The following BCLAF1 variants were observed in gnomAD, a reference collection of about 807,000 sequenced individuals.
The protein encoded by BCLAF1 is BCL2 associated transcription factor 1, also known as bcl-2-associated transcription factor 1.
Under a neutral mutation model 99.5 loss-of-function variants are expected in BCLAF1, and 10 were observed. The observed-to-expected ratio is 0.10, with a 90% confidence interval of 0.06 to 0.17. BCLAF1 has a LOEUF of 0.17. Ranked by LOEUF, BCLAF1 falls within the 10% of genes least tolerant of loss-of-function variation. BCLAF1 has a pLI of 1.00. For missense variants in BCLAF1, 636 were observed against 1,105.8 expected (o/e 0.58, Z 6.02); for synonymous variants, 255 against 370.9 (o/e 0.69, Z 3.59).
intron 11 of BCLAF1, among the ~76,000 whole-genome samples, chr6:136,265,713 C>T (rs1781623651): frequency 6.6e-6 from 1 of 152,132 alleles, no homozygotes; most frequent in Admixed American, 6.5e-5. Context: ...AGGTCAAGTT[C>T]CTCTACAAAA....
intron 1 of BCLAF1, among the ~76,000 whole-genome samples, chr6:136,289,440 G>A (rs1425972470): frequency 1.3e-5 from 2 of 152,216 alleles, no homozygotes; most frequent in African/African-American, 4.8e-5. Flanking sequence ...GCACGCGCAC[G>A]GGAGGCCGCG....
At chr6:136,280,530 T>C (rs1295474674) in intron 2 of BCLAF1, among the ~76,000 whole-genome samples, 1 of 152,170 alleles carries the variant, frequency 6.6e-6, no homozygotes, top group African/African-American at 2.4e-5. Flanking sequence ...TGAAGCTTTC[T>C]GTTAAGAAGA....
chr6:136,276,068 T>C lies in BCLAF1; in HGVS notation c.1457A>G (p.Glu486Gly). ...DKHKEEDKNS[E>G]RITVKKETQS... The stretch of plus-strand genomic sequence containing the variant: ...AGTTTCTTTCTTTACTGTTATTCTT[T>C]CAGAATTTTTGTCTTCTTCTTTGTG... Residue 486 changes from glutamate to glycine, a missense_variant, in exon 5 of 13, where the codon GAA (glutamate) becomes GGA (glycine). Transcript: ENST00000531224. The C allele has an allele frequency of 6.2e-7, 1 of 1,606,730 alleles. No homozygotes were observed. Among genetic ancestry groups the C allele is most frequent in the Non-Finnish European group, 8.5e-7 (1 of 1,178,252 alleles).
chr6:136,275,622 T>C lies in BCLAF1; in HGVS notation c.1762A>G (p.Ile588Val), dbSNP rs1484611044. The change falls in exon 6 of 13, where the codon ATC becomes GTC. Residue 588 changes from isoleucine (I) to valine (V), a missense_variant. This residue lies in a region of BCLAF1 where 180 missense variants were observed against 270.0 expected (regional missense o/e 0.67). Coordinates refer to ENST00000531224, the MANE Select transcript of BCLAF1 (RefSeq NM_014739.3). ...SVKKEQEFRS[I>V]FDHIKLPQAS... ...TGTGGCAACTTAATGTGGTCAAAGA[T>C]GGATCGGAATTCTTGCTCCTTCTTG... 1 of 1,598,394 alleles carries C rather than the reference T, an allele frequency of 6.3e-7. No individual in the cohort carries two copies. Among genetic ancestry groups the C allele is most frequent in the Non-Finnish European group, 8.5e-7 (1 of 1,173,966 alleles).
rs139643932 is a variant in BCLAF1, at chr6:136,265,245, ATTAGAGCAC to A, written c.2544+1775_2544+1783del. Among the ~76,000 whole-genome samples the A allele has an allele frequency of 9.3e-3, 1,420 of 152,264 alleles. 16 individuals carry two copies. The highest frequency in any genetic ancestry group is 0.033 in the African/African-American group (1,373 of 41,544). ...CACAGCTTTAATGGTGACCTATAAAATTAGAGCACTTAGATTTTTTTGTTTCTCTAAATC... is the reference window on the plus strand; with the variant it reads ...CACAGCTTTAATGGTGACCTATAAAATTAGATTTTTTTGTTTCTCTAAATC... On this transcript the variant is annotated intron_variant, in intron 11 of 12. Coordinates refer to ENST00000531224, the MANE Select transcript of BCLAF1 (RefSeq NM_014739.3).
At chr6:136,287,838 T>C (rs1285080073) in intron 1 of BCLAF1, among the ~76,000 whole-genome samples, 4 of 152,126 alleles carry the variant, frequency 2.6e-5, no homozygotes, top group Admixed American at 2.0e-4. Context: ...GAGACCAATA[T>C]TGTGAAACTC....
At position 136,261,427 on chromosome 6, in the gene BCLAF1, A is replaced by C. The variant is rs1242462814; in HGVS notation, c.2595T>G (p.Gly865=). The change falls in exon 12 of 13, where the codon GGT becomes GGG. Residue 865 remains glycine, a synonymous_variant. Coordinates refer to ENST00000531224, the MANE Select transcript of BCLAF1 (RefSeq NM_014739.3). ...CTCTGCCACGTTGAAAAGTACCACG[A>C]CCTCTTCCTCTTTTGGCCCAATAAT... ...GVDYWAKRGR[G]RGTFQRGRGR... 1 of 1,613,394 alleles carries C rather than the reference A, an allele frequency of 6.2e-7. No homozygotes were observed. The highest frequency in any genetic ancestry group is 8.5e-7 in the Non-Finnish European group (1 of 1,179,782).
chr6:136,277,846 T>C lies in BCLAF1; in HGVS notation c.1016+19A>G, dbSNP rs779894729. Reference sequence around the variant, plus strand: ...ACAAAAACAATATTATAATCTAGATTCTGTATTTTAGTTTTTACCTTTTTA... The same window carrying C: ...ACAAAAACAATATTATAATCTAGATCCTGTATTTTAGTTTTTACCTTTTTA... On this transcript the variant is annotated intron_variant, in intron 4 of 12. Transcript: ENST00000531224. The C allele has an allele frequency of 2.4e-5, 39 of 1,597,854 alleles. No individual in the cohort carries two copies. The Admixed American group carries it at 6.7e-4, about 27-fold the overall frequency.
intron 11 of BCLAF1, among the ~76,000 whole-genome samples, chr6:136,262,950 G>C (rs1781217617): frequency 6.6e-6 from 1 of 152,140 alleles, no homozygotes; most frequent in African/African-American, 2.4e-5. Flanking sequence ...TTTTAATAAT[G>C]TGTGCCTTGA....
chr6:136,288,768 A>G (rs558259225), intron 1 of BCLAF1, among the ~76,000 whole-genome samples: 9 of 152,342 alleles, frequency 5.9e-5, no homozygotes, highest in African/African-American at 2.2e-4. Flanking sequence ...ATGAATTTAA[A>G]ATGAAGGCAA....
chr6:136,273,966 C>T, intron 6 of BCLAF1: 1 of 1,201,702 alleles, frequency 8.3e-7, no homozygotes, highest in Non-Finnish European at 1.1e-6. Flanking sequence ...AACTTACCGC[C>T]CAATATCCAG....
At chr6:136,289,368 G>C (rs1406341500) in intron 1 of BCLAF1, among the ~76,000 whole-genome samples, 1 of 152,130 alleles carries the variant, frequency 6.6e-6, no homozygotes, top group African/African-American at 2.4e-5. Flanking sequence ...GGAGCGTTCA[G>C]TCGGGCGCGC....
At chr6:136,276,766 A>C in intron 4 of BCLAF1, among the ~76,000 whole-genome samples, 1 of 152,236 alleles carries the variant, frequency 6.6e-6, no homozygotes, top group East Asian at 1.9e-4. Flanking sequence ...TGTCCTATTT[A>C]GTCACAATCC....
intron 11 of BCLAF1, among the ~76,000 whole-genome samples, chr6:136,266,391 G>C (rs983869006): frequency 1.3e-5 from 2 of 152,064 alleles, no homozygotes; most frequent in Non-Finnish European, 2.9e-5. Flanking sequence ...TAATGCAGGA[G>C]AGACCCTTTT....
intron 6 of BCLAF1, 174 bp from the exon 7 acceptor site, chr6:136,273,361 A>G (rs1782813080): frequency 1.8e-6 from 1 of 561,518 alleles, no homozygotes; most frequent in South Asian, 2.3e-5. Flanking sequence ...CCTCAACAGG[A>G]GAGTGTTTCG....
At position 136,276,082 on chromosome 6, in the gene BCLAF1, T is replaced by C; in HGVS notation, c.1443A>G (p.Glu481=). The C allele has an allele frequency of 1.2e-6, 2 of 1,608,240 alleles. No homozygotes were observed. Among genetic ancestry groups the C allele is most frequent in the Admixed American group, 1.7e-5 (1 of 58,490 alleles). The stretch of plus-strand genomic sequence containing the variant: ...CTGTTATTCTTTCAGAATTTTTGTC[T>C]TCTTCTTTGTGCTTATCTTTTGTAG... ...PSTTKDKHKE[E]DKNSERITVK... The change falls in exon 5 of 13, where the codon GAA becomes GAG. Residue 481 remains glutamate, a synonymous_variant. Coordinates refer to ENST00000531224, the MANE Select transcript of BCLAF1 (RefSeq NM_014739.3).
intron 11 of BCLAF1, among the ~76,000 whole-genome samples, chr6:136,263,752 T>C (rs1238210439): frequency 6.6e-6 from 1 of 152,164 alleles, no homozygotes; most frequent in Non-Finnish European, 1.5e-5. Flanking sequence ...AACTCAACAC[T>C]GAGAATCTGC....
At chr6:136,275,451 GAATT>G in intron 6 of BCLAF1, 77 bp downstream of exon 6, 1 of 1,316,268 alleles carries the variant, frequency 7.6e-7, no homozygotes, top group Non-Finnish European at 1.0e-6. Flanking sequence ...TGGGGTACAT[GAATT>G]ATTAAGCATA....
intron 8 of BCLAF1, among the ~76,000 whole-genome samples, chr6:136,271,329 T>C (rs1782498942): frequency 1.3e-5 from 2 of 151,860 alleles, no homozygotes; most frequent in Non-Finnish European, 2.9e-5. Flanking sequence ...CTAGACATTT[T>C]ATGGCCTGAT....
Sources: gnomAD v4.1 joint callset for allele counts (sites outside exome capture counted in the v4.1 genomes callset) on GRCh38, gnomAD v4.1.1 for gene constraint, gnomAD v4.1.1 regional missense constraint, MANE v1.5 for transcripts, NCBI Gene and HGNC (gene_info 2026-07-23, HGNC 2026-07-21) for gene names.